WDR70: variants seen among roughly 807,000 people sequenced by gnomAD.
The protein encoded by WDR70 is WD repeat domain 70, also known as WD repeat-containing protein 70.
Under a neutral mutation model 88.6 loss-of-function variants are expected in WDR70, and 53 were observed. That is an observed-to-expected ratio of 0.60 (90% CI 0.48 to 0.75). WDR70 has a LOEUF of 0.75. Ranked by LOEUF, WDR70 falls within the 30% of genes least tolerant of loss-of-function variation. The pLI is 0.00. For synonymous variants in WDR70, 280 were observed against 270.0 expected, an observed-to-expected ratio of 1.04 and a Z score of -0.36; for missense variants, 610 against 823.2, an observed-to-expected ratio of 0.74 and a Z score of 3.17.
chr5:37,641,287 T>C (rs1745096112), intron 10 of WDR70, among the ~76,000 whole-genome samples: 1 of 152,136 alleles, frequency 6.6e-6, no homozygotes, highest in Non-Finnish European at 1.5e-5. Flanking sequence ...AGCTAATTTT[T>C]AGTAGACAGG....
At chr5:37,473,651 C>A (rs1447643480) in intron 7 of WDR70, among the ~76,000 whole-genome samples, 5 of 152,140 alleles carry the variant, frequency 3.3e-5, no homozygotes, top group Admixed American at 6.6e-5. Flanking sequence ...GCCTTACATT[C>A]TTAATGTTGT....
At chr5:37,617,224 A>G (rs1744370489) in intron 10 of WDR70, among the ~76,000 whole-genome samples, 1 of 152,220 alleles carries the variant, frequency 6.6e-6, no homozygotes, top group Non-Finnish European at 1.5e-5. Flanking sequence ...AAGGCCATGC[A>G]TCTAGTTAGT....
At chr5:37,445,738 AG>A (rs1262274278) in intron 7 of WDR70, among the ~76,000 whole-genome samples, 2 of 152,218 alleles carry the variant, frequency 1.3e-5, no homozygotes, top group Admixed American at 1.3e-4. Flanking sequence ...AAAATTCAAC[AG>A]CCCTTCATGC....
intron 10 of WDR70, among the ~76,000 whole-genome samples, chr5:37,648,961 T>A (rs1349445181): frequency 6.6e-6 from 1 of 152,236 alleles, no homozygotes; most frequent in Non-Finnish European, 1.5e-5. Flanking sequence ...ATTTTCAAAA[T>A]GATCTTTAGA....
intron 3 of WDR70, among the ~76,000 whole-genome samples, chr5:37,384,054 T>TAA (rs1748520551): frequency 6.6e-6 from 1 of 152,160 alleles, no homozygotes; most frequent in East Asian, 1.9e-4. Context: ...TAAATATTTT[T>TAA]GTATATACCT....
rs1740710340 is a variant in WDR70 at position 37,511,183 on chromosome 5, T to C, written c.841-5331T>C. On this transcript the variant is annotated intron_variant, in intron 8 of 17. Transcript: ENST00000265107. ...CTGAATCAGTTATTACTGTGATGAT[T>C]GCAAAATGATGATCTTTTAACTCCA... 1.3e-5 allele frequency among the ~76,000 whole-genome samples: 2 copies of C among 152,210 alleles called. 1 individual carries two copies. The highest frequency in any genetic ancestry group is 4.1e-4 in the South Asian group (2 of 4,828).
At chr5:37,628,972 TC>T (rs1744741203) in intron 10 of WDR70, among the ~76,000 whole-genome samples, 1 of 152,180 alleles carries the variant, frequency 6.6e-6, no homozygotes, top group South Asian at 2.1e-4. Flanking sequence ...GGTGATAAAT[TC>T]CTTTAGTTTT....
At chr5:37,462,669 C>T (rs990696414) in intron 7 of WDR70, among the ~76,000 whole-genome samples, 2 of 151,958 alleles carry the variant, frequency 1.3e-5, no homozygotes, top group African/African-American at 2.4e-5. Flanking sequence ...TAAACATATA[C>T]TAACTTGTAG....
intron 9 of WDR70, among the ~76,000 whole-genome samples, chr5:37,561,579 G>C (rs936867725): frequency 6.6e-6 from 1 of 152,222 alleles, no homozygotes; most frequent in African/African-American, 2.4e-5. Flanking sequence ...TGTGGCAGCT[G>C]CTTTGTTGGC....
intron 13 of WDR70, 141 bp from the exon 14 acceptor site, chr5:37,720,974 G>A (rs1747793791): frequency 1.4e-6 from 1 of 700,146 alleles, no homozygotes; most frequent in Admixed American, 2.5e-5. Context: ...CAACTTTATG[G>A]TTTAAAAGAA....
chr5:37,506,247 T>G lies in WDR70; in HGVS notation c.841-10267T>G. On this transcript the variant is annotated intron_variant, in intron 8 of 17. Transcript: ENST00000265107. ...AGTTGCTATCAAAAATCGGACAAATTCCTTTCGAGATATTGGTGAATGATC... is the reference window on the plus strand; with the variant it reads ...AGTTGCTATCAAAAATCGGACAAATGCCTTTCGAGATATTGGTGAATGATC... The G allele has an allele frequency of 5.3e-6, 5 of 938,820 alleles. No individual in the cohort carries two copies. In the South Asian group the frequency reaches 6.5e-5, roughly 12 times the overall value. The allele number at this position is 938,820 out of a possible 1,614,324, so 58.2% of individuals were successfully genotyped here.
In WDR70 at chr5:37,708,118, A is replaced by G. The variant is rs181357852; in HGVS notation, c.1416+5031A>G. ...TCTTTGGGACGTTTTTTAAATAGTA[A>G]AGAACAAGGATTATCTTATATTTTT... is the stretch of plus-strand genomic sequence containing the variant. On this transcript the variant is annotated intron_variant, in intron 13 of 17. Coordinates refer to ENST00000265107, the MANE Select transcript of WDR70 (RefSeq NM_018034.4). Among the ~76,000 whole-genome samples, 16 of 149,964 alleles carry G rather than the reference A, an allele frequency of 1.1e-4. No individual in the cohort carries two copies. In the East Asian group the frequency reaches 3.1e-3, roughly 29 times the overall value.
At chr5:37,386,502 A>G (rs1209523356) in intron 3 of WDR70, among the ~76,000 whole-genome samples, 8 of 151,858 alleles carry the variant, frequency 5.3e-5, no homozygotes, top group Non-Finnish European at 1.5e-5. Flanking sequence ...TGACTTTTTT[A>G]TTTTTAGTAG....
chr5:37,507,770 GTT>G (rs1228450125), intron 8 of WDR70, among the ~76,000 whole-genome samples: 2 of 152,018 alleles, frequency 1.3e-5, no homozygotes, highest in East Asian at 3.9e-4. Flanking sequence ...TAAGCATTTT[GTT>G]TTTTTGAGTT....
Position 37,752,668 on chromosome 5 carries a change from A to AAT in WDR70, c.*95_*96insAT. 1.1e-6 allele frequency: 1 copy of AAT among 926,226 alleles called. No homozygotes were observed. The highest frequency in any genetic ancestry group is 1.7e-6 in the Non-Finnish European group (1 of 604,876). The allele number at this position is 926,226 out of a possible 1,614,324, so 57.4% of individuals were successfully genotyped here. A position where few individuals can be genotyped will look rare whatever the true frequency, so the allele number is the denominator to read the frequency against. ...CTCATGAAATTAAAAATTCATTTTT[A>AAT]TGAACAGGTTTTGTCCTTTGCATTA... On this transcript the variant is annotated 3_prime_UTR_variant, in exon 18 of 18. Transcript: ENST00000265107.
intron 10 of WDR70, among the ~76,000 whole-genome samples, chr5:37,687,024 T>G (rs1351346959): frequency 6.6e-6 from 1 of 151,844 alleles, no homozygotes; most frequent in East Asian, 1.9e-4. Context: ...CTCAGCTTCC[T>G]AAAGAACGAT....
intron 10 of WDR70, among the ~76,000 whole-genome samples, chr5:37,668,409 T>G (rs1162169789): frequency 6.6e-6 from 1 of 152,238 alleles, no homozygotes; most frequent in Non-Finnish European, 1.5e-5. Flanking sequence ...ATTTCATGCC[T>G]TCTTGAAATT....
chr5:37,632,596 A>C (rs1744847104), intron 10 of WDR70, among the ~76,000 whole-genome samples: 1 of 152,224 alleles, frequency 6.6e-6, no homozygotes, highest in African/African-American at 2.4e-5. Flanking sequence ...TTTAATAGAC[A>C]AAAGTTTATA....
chr5:37,707,135 A>G (rs969272873), intron 13 of WDR70, among the ~76,000 whole-genome samples: 5 of 152,214 alleles, frequency 3.3e-5, no homozygotes, highest in African/African-American at 1.2e-4. Context: ...ACAAATGATA[A>G]TTTATTGTGA....
Sources: allele counts gnomAD v4.1 joint callset (sites outside exome capture counted in the v4.1 genomes callset), GRCh38; gene constraint gnomAD v4.1.1; transcripts MANE v1.5; gene names NCBI Gene and HGNC (gene_info 2026-07-23, HGNC 2026-07-21).